The following CD247 variants were observed in gnomAD, a reference collection of about 807,000 sequenced individuals.
The protein encoded by CD247 is T-cell surface glycoprotein CD3 zeta chain.
A neutral mutation model predicts 30.0 loss-of-function variants in CD247; 13 were observed. The ratio of observed to expected loss-of-function variants is 0.43; its 90% CI spans 0.28 to 0.69. CD247 has a LOEUF of 0.69. Ranked by LOEUF, CD247 falls within the 30% of genes least tolerant of loss-of-function variation. CD247 has a pLI of 0.16. For missense variants in CD247, 193 were observed against 212.6 expected (o/e 0.91, Z 0.57); for synonymous variants, 72 against 80.0 (o/e 0.90, Z 0.53).
chr1:167,449,161 T>TCTTTTTTTCTTTA (rs1558000549), intron 1 of CD247, among the ~76,000 whole-genome samples: 1 of 139,132 alleles, frequency 7.2e-6, no homozygotes, highest in Admixed American at 7.1e-5. Context: ...TTTTTTTTTT[T>TCTTTTTTTCTTTA]TTTTTTTTTG....
chr1:167,464,721 GT>G (rs1211130547), intron 1 of CD247, among the ~76,000 whole-genome samples: 1 of 152,212 alleles, frequency 6.6e-6, no homozygotes, highest in African/African-American at 2.4e-5. Flanking sequence ...TTTGCCTGTA[GT>G]TTTTCTAGCT....
chr1:167,480,080 T>C (rs1427920743), intron 1 of CD247, among the ~76,000 whole-genome samples: 1 of 152,138 alleles, frequency 6.6e-6, no homozygotes, highest in Non-Finnish European at 1.5e-5. Context: ...CGTTCCAAAA[T>C]AGGCCAAGAA....
chr1:167,434,744 T>G (rs529134837), intron 5 of CD247: 1 of 453,096 alleles, frequency 2.2e-6, no homozygotes, highest in South Asian at 1.6e-5. Flanking sequence ...AGCAGCAGGG[T>G]TTGGGGAGGG....
intron 1 of CD247, chr1:167,459,480 G>A (rs1652896062): frequency 6.6e-6 from 1 of 151,172 alleles, no homozygotes; most frequent in Non-Finnish European, 1.5e-5. Flanking sequence ...AGCCTCCTGA[G>A]TAGCTGGGAT....
intron 1 of CD247, among the ~76,000 whole-genome samples, chr1:167,506,164 C>G (rs1390066672): frequency 6.6e-6 from 1 of 152,210 alleles, no homozygotes; most frequent in Non-Finnish European, 1.5e-5. Context: ...TTCTGACATA[C>G]CAGCCCAGTC....
chr1:167,456,766 T>C (rs1652694897), intron 1 of CD247, among the ~76,000 whole-genome samples: 1 of 152,208 alleles, frequency 6.6e-6, no homozygotes, highest in Non-Finnish European at 1.5e-5. Flanking sequence ...AAGCTCTCTG[T>C]TGTAGACACA....
chr1:167,493,305 A>G (rs1445047555), intron 1 of CD247, among the ~76,000 whole-genome samples: 1 of 151,870 alleles, frequency 6.6e-6, no homozygotes, highest in Non-Finnish European at 1.5e-5. Context: ...GGCCTCCCAA[A>G]GTGCTAGGAT....
intron 1 of CD247, among the ~76,000 whole-genome samples, chr1:167,443,505 C>T (rs1401743402): frequency 1.3e-5 from 2 of 152,142 alleles, no homozygotes; most frequent in African/African-American, 2.4e-5. Flanking sequence ...AGGAGATAAC[C>T]GTGGCGATTT....
chr1:167,439,475 C>A (rs937916506), intron 2 of CD247, 75 bp from the exon 3 acceptor site: 2 of 1,344,498 alleles, frequency 1.5e-6, no homozygotes, highest in East Asian at 4.6e-5. Context: ...GGGCGCGCGG[C>A]GACCCGAGGG....
At chr1:167,454,833 G>A (rs532376480) in intron 1 of CD247, among the ~76,000 whole-genome samples, 1 of 152,314 alleles carries the variant, frequency 6.6e-6, no homozygotes, top group South Asian at 2.1e-4. Flanking sequence ...GACAGGGGCG[G>A]AGGGGGAGCC....
intron 2 of CD247, 179 bp downstream of exon 2, chr1:167,440,485 G>A: frequency 1.5e-6 from 1 of 656,916 alleles, no homozygotes; most frequent in South Asian, 1.7e-5. Flanking sequence ...ATCTCAGCCA[G>A]ACACTGCCAC....
chr1:167,437,755 C>A (rs1337574481), intron 4 of CD247, among the ~76,000 whole-genome samples: 2 of 152,094 alleles, frequency 1.3e-5, no homozygotes, highest in Non-Finnish European at 2.9e-5. Context: ...GGGTACAAAG[C>A]CTCAATTAGA....
chr1:167,517,363 C>T (rs777576606), intron 1 of CD247, among the ~76,000 whole-genome samples: 1 of 152,192 alleles, frequency 6.6e-6, no homozygotes, highest in Non-Finnish European at 1.5e-5. Flanking sequence ...TCAGGTGGGC[C>T]GAGGACATTT....
Position 167,498,964 on chromosome 1 carries a change from A to G in CD247, c.58+19444T>C, listed in dbSNP as rs115480351. On this transcript the variant is annotated intron_variant, in intron 1 of 7. Transcript: ENST00000362089. ...ATGCGCACACGGGGCTCCTGAGGAC[A>G]TCATTTCAGCTTGTGTCAGGAAAGT... Among the ~76,000 whole-genome samples, 94 of 152,334 alleles carry G rather than the reference A, an allele frequency of 6.2e-4. 1 individual carries two copies. Among genetic ancestry groups the G allele is most frequent in the African/African-American group, 2.2e-3 (93 of 41,586 alleles).
chr1:167,468,256 G>A (rs1451468701), intron 1 of CD247, among the ~76,000 whole-genome samples: 1 of 151,842 alleles, frequency 6.6e-6, no homozygotes, highest in Non-Finnish European at 1.5e-5. Flanking sequence ...CCAGTAAAAG[G>A]AAAGAAAAAA....
At chr1:167,487,738 G>GT (rs1010383402) in intron 1 of CD247, among the ~76,000 whole-genome samples, 3 of 152,150 alleles carry the variant, frequency 2.0e-5, no homozygotes, top group African/African-American at 4.8e-5. Context: ...ACACTACCTT[G>GT]TTTTTTTCGA....
intron 1 of CD247, among the ~76,000 whole-genome samples, chr1:167,472,272 G>T (rs900805353): frequency 6.6e-6 from 1 of 152,038 alleles, no homozygotes; most frequent in African/African-American, 2.4e-5. Context: ...TAAGTCATCA[G>T]ATTTTTGCTT....
chr1:167,506,387 G>A (rs142015197), intron 1 of CD247, among the ~76,000 whole-genome samples: 105 of 111,862 alleles, frequency 9.4e-4, no homozygotes, highest in Non-Finnish European at 1.4e-3. Flanking sequence ...TCACTCTGTT[G>A]TCCAGGCTAA....
At position 167,518,429 on chromosome 1, in the gene CD247, G is replaced by T. The variant is rs751300208; in HGVS notation, c.37C>A (p.Gln13Lys). 1.2e-5 allele frequency: 20 copies of T among 1,614,224 alleles called. No homozygotes were observed. Among genetic ancestry groups the T allele is most frequent in the Non-Finnish European group, 1.7e-5 (20 of 1,180,044 alleles). The change falls in exon 1 of 8, where the codon CAG becomes AAG. Residue 13 changes from glutamine to lysine, a missense_variant. Coordinates refer to ENST00000362089, the MANE Select transcript of CD247 (RefSeq NM_198053.3). The stretch of plus-strand genomic sequence containing the variant: ...CTACCTGTAATCGGCAACTGTGCCT[G>T]CAGGATGGCCGCGGTGAAAAGCGCC... Reference protein sequence around the residue: ...WKALFTAAILQAQLPITEAQS... With the variant: ...WKALFTAAILKAQLPITEAQS...
Sources: gnomAD v4.1 joint callset for allele counts (sites outside exome capture counted in the v4.1 genomes callset) on GRCh38, gnomAD v4.1.1 for gene constraint, MANE v1.5 for transcripts, NCBI Gene and HGNC (gene_info 2026-07-23, HGNC 2026-07-21) for gene names.